XYLB: variants seen among roughly 807,000 people sequenced by gnomAD.
The protein encoded by XYLB is xylulokinase, also known as xylulose kinase.
Under a neutral mutation model 78.7 loss-of-function variants are expected in XYLB, and 62 were observed. The observed-to-expected ratio is 0.79, with a 90% CI of 0.64 to 0.97. The LOEUF (loss-of-function observed/expected upper bound fraction) is 0.97. XYLB is among the 50% of genes least tolerant of loss of function. The pLI is 0.00. For synonymous variants in XYLB, 245 were observed against 247.4 expected (o/e 0.99, Z 0.09); for missense variants, 687 against 676.8 (o/e 1.02, Z -0.17).
At chr3:38,437,005 AAATAAT>A in the XYLB span, among the ~76,000 whole-genome samples, 1,977 of 134,774 alleles carry the variant, frequency 0.015, 25 homozygotes, top group South Asian at 0.032. Flanking sequence ...CTCCTTCTAA[AAATAAT>A]AATAATAATA....
At position 38,369,740 on chromosome 3, in the gene XYLB, A is replaced by T. The variant is rs564603377; in HGVS notation, c.647-316A>T. Among the ~76,000 whole-genome samples, 106 of 152,280 alleles carry T rather than the reference A, an allele frequency of 7.0e-4. 1 individual carries two copies. Among genetic ancestry groups the T allele is most frequent in the African/African-American group, 2.2e-3 (92 of 41,552 alleles). On this transcript the variant is annotated intron_variant, in intron 8 of 18. Coordinates refer to ENST00000207870, the MANE Select transcript of XYLB (RefSeq NM_005108.4). The stretch of plus-strand genomic sequence containing the variant: ...ACCTGGAAACCTAAGGGACATGGAG[A>T]GTGGTTCCTGGTCAGTGTGTTGCTG...
At chr3:38,408,228 A>T (rs1307803462) in intron 18 of XYLB, among the ~76,000 whole-genome samples, 2 of 152,094 alleles carry the variant, frequency 1.3e-5, no homozygotes, top group Admixed American at 6.6e-5. Context: ...GGATTAAGAA[A>T]CTCACTCAAA....
rs1430644313 is a variant in XYLB at position 38,360,438 on chromosome 3, A to G, written c.210+30A>G. ...GCGCAGGGATTCCTATTCTCCTTCT[A>G]TCCCCAGGCTGTCTCACTGGCAGAC... On this transcript the variant is annotated intron_variant, in intron 3 of 18. Transcript: ENST00000207870. The G allele has an allele frequency of 3.9e-6, 6 of 1,536,420 alleles. No homozygotes were observed. The South Asian group carries it at 5.0e-5, about 13-fold the overall frequency.
chr3:38,415,793 A>G (rs1395114270), downstream of XYLB, among the ~76,000 whole-genome samples: 1 of 152,128 alleles, frequency 6.6e-6, no homozygotes, highest in Non-Finnish European at 1.5e-5. Flanking sequence ...AAAATAATAA[A>G]GATAGTACCC....
chr3:38,370,187 T>G lies in XYLB; in HGVS notation c.765+13T>G. The G allele has an allele frequency of 6.2e-7, 1 of 1,607,920 alleles. No homozygotes were observed. Among genetic ancestry groups the G allele is most frequent in the Non-Finnish European group, 8.5e-7 (1 of 1,174,568 alleles). The stretch of plus-strand genomic sequence containing the variant: ...ATGCTCAGTTGTGGTAGGTCTCCTT[T>G]CTGGTGATGTGGCTCATTTAAGAGC... On this transcript the variant is annotated intron_variant, in intron 9 of 18. Coordinates refer to ENST00000207870, the MANE Select transcript of XYLB (RefSeq NM_005108.4).
At chr3:38,417,497 A>C (rs1708834684), downstream of XYLB, among the ~76,000 whole-genome samples, 1 of 152,174 alleles carries the variant, frequency 6.6e-6, no homozygotes, top group South Asian at 2.1e-4. Context: ...AGCTATACTA[A>C]TGGCATTAAC....
chr3:38,414,574 CA>C lies in XYLB; in HGVS notation c.*1562del, dbSNP rs1399333803. 1.3e-5 allele frequency: 2 copies of C among 152,220 alleles called. No homozygotes were observed. Among genetic ancestry groups the C allele is most frequent in the East Asian group, 3.9e-4 (2 of 5,188 alleles). 9.4% of individuals were successfully genotyped at this position (152,220 alleles called of 1,614,324 possible). On this transcript the variant is annotated 3_prime_UTR_variant, in exon 19 of 19. Coordinates refer to ENST00000207870, the MANE Select transcript of XYLB (RefSeq NM_005108.4). ...ATAAATAATTGTGGATATAAAAGAA[CA>C]CCAGAGATCAGAAATTCAAAAACTC...
the XYLB span, among the ~76,000 whole-genome samples, chr3:38,443,523 G>T: frequency 6.6e-6 from 1 of 152,178 alleles, no homozygotes; most frequent in South Asian, 2.1e-4. Context: ...AACCACCAGG[G>T]TTTGTTTGTC....
chr3:38,447,201 C>A, the XYLB span, among the ~76,000 whole-genome samples: 2 of 121,446 alleles, frequency 1.6e-5, no homozygotes, highest in South Asian at 2.9e-4. Flanking sequence ...CAGAGAAATA[C>A]AAATCAAAGC....
chr3:38,435,722 A>G, the XYLB span, among the ~76,000 whole-genome samples: 2 of 152,190 alleles, frequency 1.3e-5, no homozygotes, highest in Admixed American at 1.3e-4. Context: ...AATTTTTTAG[A>G]AATCAAATTC....
intron 18 of XYLB, among the ~76,000 whole-genome samples, chr3:38,410,793 C>A (rs1708547979): frequency 6.6e-6 from 1 of 151,898 alleles, no homozygotes; most frequent in Non-Finnish European, 1.5e-5. Flanking sequence ...CTCACCATCA[C>A]TGGCCATCAG....
the XYLB span, among the ~76,000 whole-genome samples, chr3:38,436,236 A>G: frequency 1.3e-5 from 2 of 152,164 alleles, no homozygotes; most frequent in African/African-American, 4.8e-5. Context: ...ATGAAAAAGG[A>G]GACATTACAA....
intron 6 of XYLB, among the ~76,000 whole-genome samples, chr3:38,366,459 CTGAG>C (rs1467901747): frequency 1.3e-5 from 2 of 152,280 alleles, no homozygotes; most frequent in Admixed American, 1.3e-4. Context: ...TGTTTACTGC[CTGAG>C]TATTTGATTA....
intron 2 of XYLB, chr3:38,356,335 A>C (rs1258674557): frequency 6.5e-6 from 1 of 152,896 alleles, no homozygotes; most frequent in Non-Finnish European, 1.5e-5. Flanking sequence ...TAAAATGTAC[A>C]ATTTGATGGT....
At chr3:38,452,845 G>C in the XYLB span, 1 of 152,228 alleles carries the variant, frequency 6.6e-6, no homozygotes, top group Non-Finnish European at 1.5e-5. Context: ...CTGAGGCTCA[G>C]AGAAGTGAAA....
At chr3:38,396,326 G>A (rs1559609444) in intron 16 of XYLB, among the ~76,000 whole-genome samples, 1 of 152,220 alleles carries the variant, frequency 6.6e-6, no homozygotes, top group Non-Finnish European at 1.5e-5. Context: ...TCCTGGTGGG[G>A]AGGTGGGGCT....
downstream of XYLB, among the ~76,000 whole-genome samples, chr3:38,426,309 G>T (rs1331211562): frequency 2.0e-5 from 3 of 152,178 alleles, no homozygotes; most frequent in Admixed American, 2.0e-4. Flanking sequence ...AATATAGAAT[G>T]CAGTTACAAT....
chr3:38,444,908 C>T, the XYLB span, among the ~76,000 whole-genome samples: 1 of 151,286 alleles, frequency 6.6e-6, no homozygotes, highest in South Asian at 2.1e-4. Flanking sequence ...TCCTCCTAAA[C>T]CACAAGGAGG....
Position 38,366,930 on chromosome 3 carries a change from G to A in XYLB, c.573+57G>A, listed in dbSNP as rs2234615. The A allele has an allele frequency of 2.7e-4, 318 of 1,198,846 alleles. 1 individual carries two copies. In the African/African-American group the frequency reaches 3.9e-3, roughly 15 times the overall value. 74.3% of individuals were successfully genotyped at this position (1,198,846 alleles called of 1,614,324 possible). A position where few individuals can be genotyped will look rare whatever the true frequency, so the allele number is the denominator to read the frequency against. ...CACAGTTGAATTCTTTTCATAATAT[G>A]TTAGAATAGATACATCTTACGTGCA... On this transcript the variant is annotated intron_variant, in intron 7 of 18. Transcript: ENST00000207870.
Sources: allele counts gnomAD v4.1 joint callset (sites outside exome capture counted in the v4.1 genomes callset), GRCh38; gene constraint gnomAD v4.1.1; transcripts MANE v1.5; gene names NCBI Gene and HGNC (gene_info 2026-07-23, HGNC 2026-07-21).